PSG5: variants seen among roughly 807,000 people sequenced by gnomAD.
PSG5 encodes pregnancy-specific beta-1-glycoprotein 5.
A neutral mutation model predicts 37.7 loss-of-function variants in PSG5; 53 were observed. That is an observed-to-expected ratio of 1.41 (90% confidence interval 1.13 to 1.77). The LOEUF is 1.77. Among genes scored for constraint, PSG5 ranks in the 40% most tolerant of loss-of-function variants. PSG5 has a pLI of 0.00. For missense variants in PSG5, 547 were observed against 405.2 expected, an observed-to-expected ratio of 1.35 and a Z score of -3.00; for synonymous variants, 221 against 155.4, an observed-to-expected ratio of 1.42 and a Z score of -3.14.
In PSG5 at chr19:43,176,129, G is replaced by T. The variant is rs766655664; in HGVS notation, c.450C>A (p.Tyr150Ter). The T allele has an allele frequency of 6.2e-7, 1 of 1,611,270 alleles. No individual in the cohort carries two copies. The highest frequency in any genetic ancestry group is 8.5e-7 in the Non-Finnish European group (1 of 1,179,180). The change falls in exon 3 of 6, where the codon TAC becomes TAA. Residue 150 changes from tyrosine to a stop codon, truncating the protein, a stop_gained. Transcript: ENST00000342951. LOFTEE classifies it high-confidence loss of function. ...TGGGTTTTGAGTTGTTGATGGTGAT[G>T]TAGGGCTTGGGCAGCTTCACTGTGT... ...FNLYLKLPKP[Y>*]ITINNSKPRE... is the part of the protein sequence containing the mutation.
Position 43,175,965 on chromosome 19 carries a change from G to T in PSG5, c.614C>A (p.Pro205His). The stretch of plus-strand genomic sequence containing the variant: ...TCCTGTTTCATTTCTCGTGACACTG[G>T]GTAGAATGAGGATCCTGTTTTCAAT... ...RPIENRILIL[P>H]SVTRNETGPY... is the part of the protein sequence containing the mutation. Residue 205 changes from proline to histidine, a missense_variant, in exon 3 of 6, where the codon CCC (proline) becomes CAC (histidine). Pro to His is a moderately conservative substitution (Grantham distance 77). Coordinates refer to ENST00000342951, the MANE Select transcript of PSG5 (RefSeq NM_002781.4). The T allele has an allele frequency of 6.2e-7, 1 of 1,611,940 alleles. No individual in the cohort carries two copies. The highest frequency in any genetic ancestry group is 8.5e-7 in the Non-Finnish European group (1 of 1,179,164).
intron 2 of PSG5, among the ~76,000 whole-genome samples, chr19:43,178,524 G>A (rs972899943): frequency 6.6e-6 from 1 of 151,584 alleles, no homozygotes; most frequent in African/African-American, 2.4e-5. Flanking sequence ...TCAGAGGGAA[G>A]GGAAAATCCT....
At chr19:43,176,824 G>A (rs1392542573) in intron 2 of PSG5, among the ~76,000 whole-genome samples, 1 of 150,736 alleles carries the variant, frequency 6.6e-6, no homozygotes, top group Non-Finnish European at 1.5e-5. Flanking sequence ...TGATCTAGAA[G>A]GAGTCAAGGG....
rs763409426 is a variant in PSG5, at chr19:43,184,965, C to T, written c.247G>A (p.Val83Ile). The change falls in exon 2 of 6, where the codon GTA becomes ATA. Residue 83 changes from valine (V) to isoleucine (I), a missense_variant. Physicochemically the swap from Val to Ile is conservative, Grantham distance 29. Coordinates refer to ENST00000342951, the MANE Select transcript of PSG5 (RefSeq NM_002781.4). ...MDLYHYITSY[V>I]VDGQINIYGP... ...TATATATTTATTTGACCGTCTACTACATATGATGTAATGTAATGGTAGAGG... is the reference window on the plus strand; with the variant it reads ...TATATATTTATTTGACCGTCTACTATATATGATGTAATGTAATGGTAGAGG... 1 of 1,612,302 alleles carries T rather than the reference C, an allele frequency of 6.2e-7. No homozygotes were observed. Among genetic ancestry groups the T allele is most frequent in the African/African-American group, 1.3e-5 (1 of 74,472 alleles).
chr19:43,179,363 A>G (rs951192621), intron 2 of PSG5, among the ~76,000 whole-genome samples: 1 of 151,606 alleles, frequency 6.6e-6, no homozygotes, highest in Non-Finnish European at 1.5e-5. Flanking sequence ...GGAGAAGTAC[A>G]GGCTTTCTCA....
intron 4 of PSG5, among the ~76,000 whole-genome samples, chr19:43,172,189 GA>G (rs1230598849): frequency 6.6e-6 from 1 of 151,354 alleles, no homozygotes; most frequent in Non-Finnish European, 1.5e-5. Flanking sequence ...AGCATTTGAT[GA>G]AATTCAATAT....
chr19:43,175,653 A>G (rs1599747566), intron 3 of PSG5, 184 bp from the exon 4 acceptor site: 4 of 1,386,830 alleles, frequency 2.9e-6, no homozygotes, highest in Non-Finnish European at 3.9e-6. Flanking sequence ...CAAGCTATTG[A>G]CACAAAGTCT....
intron 4 of PSG5, among the ~76,000 whole-genome samples, chr19:43,171,983 C>CAA (rs60198220): frequency 0.013 from 1,361 of 104,952 alleles, 35 homozygotes; most frequent in African/African-American, 0.039. Context: ...TCCCTCTCTT[C>CAA]AAAAAAAAAA....
rs924460200 is a variant in PSG5, at chr19:43,174,437, G to A, written c.964+778C>T. The A allele has an allele frequency of 4.9e-6, 4 of 810,242 alleles. No individual in the cohort carries two copies. The African/African-American group carries it at 7.6e-5, about 15-fold the overall frequency. 50.2% of individuals were successfully genotyped at this position (810,242 alleles called of 1,614,324 possible). ...CTTTCCTGCCATGCAGAGCCCCAGG[G>A]GTGAATCTCTCTATTTCTCCAGCTC... On this transcript the variant is annotated intron_variant, in intron 4 of 5. Coordinates refer to ENST00000342951, the MANE Select transcript of PSG5 (RefSeq NM_002781.4).
chr19:43,168,624 G>A lies in PSG5; in HGVS notation c.*41-421C>T, dbSNP rs1039206192. On this transcript the variant is annotated intron_variant, in intron 5 of 5. Coordinates refer to ENST00000342951, the MANE Select transcript of PSG5 (RefSeq NM_002781.4). ...CCTGACATCGTGATGTGCCCACCTC[G>A]GCCTCCCAAACTGCTGGGATTGCAG... Among the ~76,000 whole-genome samples the A allele has an allele frequency of 1.5e-4, 23 of 151,590 alleles. 1 individual carries two copies. Among genetic ancestry groups the A allele is most frequent in the South Asian group, 2.1e-4 (1 of 4,814 alleles).
intron 2 of PSG5, among the ~76,000 whole-genome samples, 186 bp downstream of exon 2, chr19:43,184,596 G>A (rs1969202303): frequency 1.3e-5 from 2 of 151,464 alleles, no homozygotes; most frequent in Admixed American, 1.3e-4. Context: ...TCTGGATGCG[G>A]GAAAGGAATT....
intron 2 of PSG5, among the ~76,000 whole-genome samples, chr19:43,179,874 T>C (rs62115022): frequency 0.046 from 6,973 of 151,742 alleles, 345 homozygotes; most frequent in Non-Finnish European, 0.063. Context: ...CCAAGACCAT[T>C]GTTCCCTGTT....
intron 3 of PSG5, 128 bp downstream of exon 3, chr19:43,175,742 A>G: frequency 3.3e-6 from 5 of 1,526,280 alleles, no homozygotes; most frequent in Non-Finnish European, 4.4e-6. Context: ...GCAGGGAGTC[A>G]TGGCCAGCTC....
chr19:43,181,747 C>T (rs776372193), intron 2 of PSG5, among the ~76,000 whole-genome samples: 1 of 151,778 alleles, frequency 6.6e-6, no homozygotes, highest in Non-Finnish European at 1.5e-5. Context: ...GCCACTGTGC[C>T]CAGCCATCTC....
chr19:43,182,048 T>A (rs1969139545), intron 2 of PSG5, among the ~76,000 whole-genome samples: 1 of 151,734 alleles, frequency 6.6e-6, no homozygotes, highest in Non-Finnish European at 1.5e-5. Context: ...TGACTCCATC[T>A]GGCATCTAGT....
At chr19:43,185,329 G>A (rs1023026995) in intron 1 of PSG5, among the ~76,000 whole-genome samples, 182 bp from the exon 2 acceptor site, 2 of 150,896 alleles carry the variant, frequency 1.3e-5, no homozygotes, top group Non-Finnish European at 3.0e-5. Context: ...GTGTCCTACT[G>A]TCCTACTAGG....
chr19:43,184,037 C>T (rs553457960), intron 2 of PSG5, among the ~76,000 whole-genome samples: 45 of 151,884 alleles, frequency 3.0e-4, no homozygotes, highest in African/African-American at 6.3e-4. Flanking sequence ...AGCACCTTTA[C>T]GTCAGATCCC....
intron 4 of PSG5, chr19:43,174,837 T>C (rs1968971001): frequency 8.5e-7 from 1 of 1,174,634 alleles, no homozygotes; most frequent in South Asian, 2.7e-5. Context: ...CAGATGTTCC[T>C]TGTAGCTCAT....
chr19:43,179,525 T>C (rs1246890476), intron 2 of PSG5, among the ~76,000 whole-genome samples: 1 of 151,728 alleles, frequency 6.6e-6, no homozygotes, highest in Non-Finnish European at 1.5e-5. Context: ...ATCTTCTTAG[T>C]TTCAGTCTTA....
Sources: allele counts gnomAD v4.1 joint callset (sites outside exome capture counted in the v4.1 genomes callset), GRCh38; gene constraint gnomAD v4.1.1; transcripts MANE v1.5; gene names NCBI Gene and HGNC (gene_info 2026-07-23, HGNC 2026-07-21).